Variants in NLN observed in about 807,000 individuals in gnomAD.
The protein encoded by NLN is neurolysin, mitochondrial.
A neutral mutation model predicts 79.9 loss-of-function variants in NLN; 64 were observed. The observed-to-expected ratio is 0.80, with a 90% CI of 0.65 to 0.99. NLN has a LOEUF of 0.99. NLN is among the 50% of genes least tolerant of loss of function. NLN has a pLI of 0.00. For synonymous variants in NLN, 267 were observed against 296.6 expected (o/e 0.90, Z 1.02); for missense variants, 835 against 858.7 (o/e 0.97, Z 0.34).
At chr5:65,752,827 C>G (rs1285936565) in intron 1 of NLN, among the ~76,000 whole-genome samples, 1 of 152,124 alleles carries the variant, frequency 6.6e-6, no homozygotes, top group Admixed American at 6.6e-5. Flanking sequence ...TCTTTGGTAA[C>G]AAGAACTGTG....
intron 3 of NLN, among the ~76,000 whole-genome samples, chr5:65,765,172 C>T (rs917453617): frequency 7.2e-5 from 11 of 152,082 alleles, no homozygotes; most frequent in Admixed American, 4.6e-4. Flanking sequence ...CACTTGAGCT[C>T]GGGAGTTCAA....
Position 65,788,119 on chromosome 5 carries a change from T to G in NLN, c.960T>G (p.Asp320Glu). 6.2e-7 allele frequency: 1 copy of G among 1,610,226 alleles called. No homozygotes were observed. Among genetic ancestry groups the G allele is most frequent in the Non-Finnish European group, 8.5e-7 (1 of 1,178,616 alleles). ...KSTSRVTAFL[D>E]DLSQKLKPLG... ...ACTAACTTTTCCTTTTCCTTACAGATGATTTAAGCCAGAAGTTAAAACCCT... is the reference window on the plus strand; with the variant it reads ...ACTAACTTTTCCTTTTCCTTACAGAGGATTTAAGCCAGAAGTTAAAACCCT... The change falls in exon 8 of 13, where the codon GAT (aspartate) becomes GAG (glutamate). Residue 320 changes from aspartate to glutamate, a missense_variant and splice_region_variant. Coordinates refer to ENST00000380985, the MANE Select transcript of NLN (RefSeq NM_020726.5).
Position 65,758,711 on chromosome 5 carries a change from G to C in NLN, c.186G>C (p.Glu62Asp). Residue 62 changes from glutamate to aspartate, a missense_variant, in exon 2 of 13, where the codon GAG (glutamate) becomes GAC (aspartate). Glu to Asp is a conservative substitution (Grantham distance 45). Transcript: ENST00000380985. ...CAGAGCAAATTAAAACAAGAACTGAGGAGCTCATTGTGCAGACCAAACAGG... is the reference window on the plus strand; with the variant it reads ...CAGAGCAAATTAAAACAAGAACTGACGAGCTCATTGTGCAGACCAAACAGG... ...LSPEQIKTRT[E>D]ELIVQTKQVY... 6.2e-7 allele frequency: 1 copy of C among 1,613,858 alleles called. No homozygotes were observed. Among genetic ancestry groups the C allele is most frequent in the Non-Finnish European group, 8.5e-7 (1 of 1,179,858 alleles).
chr5:65,750,077 A>T (rs534560296), intron 1 of NLN, among the ~76,000 whole-genome samples: 5 of 152,288 alleles, frequency 3.3e-5, no homozygotes, highest in African/African-American at 9.6e-5. Context: ...AGTGGAAAGG[A>T]GAAAGGGTAC....
At chr5:65,746,163 A>C (rs1193445830) in intron 1 of NLN, among the ~76,000 whole-genome samples, 2 of 152,186 alleles carry the variant, frequency 1.3e-5, no homozygotes, top group Admixed American at 1.3e-4. Context: ...AAAAGAAAAG[A>C]GGCCATAGAA....
In NLN at chr5:65,826,514, C is replaced by G. The variant is rs759790120; in HGVS notation, c.*3599C>G. 2 of 152,184 alleles carry G rather than the reference C, an allele frequency of 1.3e-5. No individual in the cohort carries two copies. Among genetic ancestry groups the G allele is most frequent in the Non-Finnish European group, 2.9e-5 (2 of 68,038 alleles). The allele number at this position is 152,184 out of a possible 1,614,324, so 9.4% of individuals were successfully genotyped here. On this transcript the variant is annotated 3_prime_UTR_variant, in exon 13 of 13. Transcript: ENST00000380985. Reference sequence around the variant, plus strand: ...AGATGCAGTGACCACAGCTTCTTCCCTCAAATCAACACATTACAGTTAGAT... The same window carrying G: ...AGATGCAGTGACCACAGCTTCTTCCGTCAAATCAACACATTACAGTTAGAT...
intron 1 of NLN, among the ~76,000 whole-genome samples, chr5:65,751,907 A>G (rs1490711972): frequency 6.6e-6 from 1 of 152,098 alleles, no homozygotes; most frequent in Non-Finnish European, 1.5e-5. Flanking sequence ...CTTCCTGTCA[A>G]TTCCCGTATG....
intron 9 of NLN, among the ~76,000 whole-genome samples, chr5:65,802,156 C>T (rs1056937014): frequency 6.6e-6 from 1 of 152,192 alleles, no homozygotes. Context: ...CCCACTGGGC[C>T]CACTCAGCCT....
At position 65,777,456 on chromosome 5, in the gene NLN, TGAG is replaced by T; in HGVS notation, c.482_484del (p.Glu161del). 6.2e-7 allele frequency: 1 copy of T among 1,613,128 alleles called. No individual in the cohort carries two copies. Among genetic ancestry groups the T allele is most frequent in the Non-Finnish European group, 8.5e-7 (1 of 1,179,276 alleles). On this transcript the variant is annotated inframe_deletion, in exon 4 of 13. Coordinates refer to ENST00000380985, the MANE Select transcript of NLN (RefSeq NM_020726.5). ...CCTGTGATCTGGGGAAGATAAAACC[TGAG>T]GCCAGACGATACTTGGAAAAGTCAA...
In NLN at chr5:65,822,939, C is replaced by A; in HGVS notation, c.*24C>A. ...GAACTGGGGATCTTTGGTAGCCGTCCATGTCTGGAGGACAAGTCGACATCA... is the reference window on the plus strand; with the variant it reads ...GAACTGGGGATCTTTGGTAGCCGTCAATGTCTGGAGGACAAGTCGACATCA... On this transcript the variant is annotated 3_prime_UTR_variant, in exon 13 of 13. Transcript: ENST00000380985. The A allele has an allele frequency of 6.2e-7, 1 of 1,607,210 alleles. No individual in the cohort carries two copies. The highest frequency in any genetic ancestry group is 8.5e-7 in the Non-Finnish European group (1 of 1,174,062).
At chr5:65,784,579 A>T (rs1163540311) in intron 6 of NLN, among the ~76,000 whole-genome samples, 1 of 152,218 alleles carries the variant, frequency 6.6e-6, no homozygotes, top group Non-Finnish European at 1.5e-5. Context: ...CAAGTTCTTT[A>T]GCTGTAGCCC....
chr5:65,760,950 T>C (rs139014127), intron 2 of NLN, among the ~76,000 whole-genome samples: 1 of 152,344 alleles, frequency 6.6e-6, no homozygotes, highest in Non-Finnish European at 1.5e-5. Flanking sequence ...GTGGGTTAAT[T>C]ATCAAAATTT....
At chr5:65,740,870 CT>C (rs35913094) in intron 1 of NLN, 1,865 of 126,686 alleles carry the variant, frequency 0.015, 10 homozygotes, top group African/African-American at 0.024. Flanking sequence ...ATACGTAATT[CT>C]TTTTTTTTTT....
chr5:65,746,004 A>G (rs1374781423), intron 1 of NLN, among the ~76,000 whole-genome samples: 1 of 152,208 alleles, frequency 6.6e-6, no homozygotes, highest in East Asian at 1.9e-4. Flanking sequence ...TAAGGTGACC[A>G]TTGACATCCA....
In NLN at chr5:65,810,057, A is replaced by G. The variant is rs748248450; in HGVS notation, c.1735A>G (p.Ile579Val). 1.9e-6 allele frequency: 3 copies of G among 1,613,968 alleles called. No homozygotes were observed. The highest frequency in any genetic ancestry group is 2.7e-5 in the African/African-American group (2 of 74,928). Residue 579 changes from isoleucine (I) to valine (V), a missense_variant, in exon 11 of 13, where the codon ATT becomes GTT. Coordinates refer to ENST00000380985, the MANE Select transcript of NLN (RefSeq NM_020726.5). ...VNTGLLTLRQ[I>V]VLSKVDQSLH... ...ATTAGGTCTTCTGACCCTGCGCCAG[A>G]TTGTTTTGAGCAAAGTTGATCAGTC...
At chr5:65,780,893 C>T (rs1373604018) in intron 5 of NLN, among the ~76,000 whole-genome samples, 2 of 152,192 alleles carry the variant, frequency 1.3e-5, no homozygotes, top group East Asian at 1.9e-4. Flanking sequence ...AGAATGGTCT[C>T]GATTTCTTGA....
intron 1 of NLN, among the ~76,000 whole-genome samples, chr5:65,738,540 T>G (rs1561180042): frequency 6.6e-6 from 1 of 152,022 alleles, no homozygotes; most frequent in Non-Finnish European, 1.5e-5. Context: ...GCCACTGCAC[T>G]CTAGCCTGGG....
chr5:65,758,509 T>C (rs1199519781), intron 1 of NLN, 58 bp from the exon 2 acceptor site: 4 of 1,220,200 alleles, frequency 3.3e-6, no homozygotes, highest in Non-Finnish European at 4.7e-6. Context: ...CACATTCATA[T>C]GTTGACTTTG....
chr5:65,745,955 G>A (rs1228154991), intron 1 of NLN, among the ~76,000 whole-genome samples: 1 of 152,198 alleles, frequency 6.6e-6, no homozygotes, highest in East Asian at 1.9e-4. Context: ...GGTTCTGGGG[G>A]CAAGGAAGAT....
Sources: gnomAD v4.1 joint callset for allele counts (sites outside exome capture counted in the v4.1 genomes callset) on GRCh38, gnomAD v4.1.1 for gene constraint, MANE v1.5 for transcripts, NCBI Gene and HGNC (gene_info 2026-07-23, HGNC 2026-07-21) for gene names.